The following CBX2 variants were observed in gnomAD, a reference collection of about 807,000 sequenced individuals.
CBX2 encodes the protein chromobox protein homolog 2.
A neutral mutation model predicts 21.0 loss-of-function variants in CBX2; 11 were observed. The observed-to-expected ratio is 0.52, with a 90% CI of 0.33 to 0.87. The LOEUF is 0.87. Among genes scored for constraint, CBX2 ranks in the 40% least tolerant of loss-of-function variants. CBX2 has a pLI of 0.02. For synonymous variants in CBX2, 364 were observed against 304.6 expected, an observed-to-expected ratio of 1.19 and a Z score of -2.03; for missense variants, 746 against 724.3, an observed-to-expected ratio of 1.03 and a Z score of -0.34.
rs781993786 is a variant in CBX2, at chr17:79,783,794, C to T, written c.351C>T (p.Ser117=). 5.7e-6 allele frequency: 9 copies of T among 1,581,580 alleles called. No homozygotes were observed. Among genetic ancestry groups the T allele is most frequent in the Admixed American group, 1.8e-5 (1 of 54,102 alleles). ...SSSSSSSTSS[S]SSSDEEDDSD... ...CCTCCTCTTCCTCCACGTCATCCTC[C>T]TCTTCCTCAGATGAAGAGGATGACA... Residue 117 remains serine, a synonymous_variant, in exon 5 of 5, where the codon TCC becomes TCT. Coordinates refer to ENST00000310942, the MANE Select transcript of CBX2 (RefSeq NM_005189.3).
chr17:79,782,218 T>A, intron 4 of CBX2: 2 of 1,603,024 alleles, frequency 1.2e-6, no homozygotes, highest in Non-Finnish European at 1.7e-6. Context: ...CGGGCCCACC[T>A]GCGGGTGCAC....
chr17:79,781,598 A>T, intron 3 of CBX2, 98 bp from the exon 4 acceptor site: 1 of 1,027,088 alleles, frequency 9.7e-7, no homozygotes, highest in East Asian at 2.4e-5. Flanking sequence ...AAGCTATTAC[A>T]GGCCAACAGG....
At position 79,787,190 on chromosome 17, in the gene CBX2, C is replaced by T. The variant is rs1345724523; in HGVS notation, c.*2148C>T. The T allele has an allele frequency of 6.6e-6, 1 of 152,396 alleles. No individual in the cohort carries two copies. The highest frequency in any genetic ancestry group is 2.4e-5 in the African/African-American group (1 of 41,464). The allele number at this position is 152,396 out of a possible 1,614,324, so 9.4% of individuals were successfully genotyped here. On this transcript the variant is annotated 3_prime_UTR_variant, in exon 5 of 5. Transcript: ENST00000310942. Reference sequence around the variant, plus strand: ...ACAGCAAAGTCTTGACTCCTTCCTGCTGAGCACTGTGCTACCTTCACTGCT... The same window carrying T: ...ACAGCAAAGTCTTGACTCCTTCCTGTTGAGCACTGTGCTACCTTCACTGCT...
At position 79,781,671 on chromosome 17, in the gene CBX2, C is replaced by G. The variant is rs781957109; in HGVS notation, c.183-25C>G. The G allele has an allele frequency of 2.5e-6, 4 of 1,594,368 alleles. No individual in the cohort carries two copies. In the South Asian group the frequency reaches 4.4e-5, roughly 18 times the overall value. ...AAGGGGTACGCACAGGGCTTCTCCCCCATTAACTAGTGGTGTGCCTTCAGG... is the reference window on the plus strand; with the variant it reads ...AAGGGGTACGCACAGGGCTTCTCCCGCATTAACTAGTGGTGTGCCTTCAGG... On this transcript the variant is annotated intron_variant, in intron 3 of 4. Transcript: ENST00000310942.
intron 3 of CBX2, among the ~76,000 whole-genome samples, chr17:79,780,713 A>G (rs1382796885): frequency 7.3e-5 from 11 of 151,642 alleles, no homozygotes; most frequent in African/African-American, 2.7e-4. Context: ...TCTGGGCACT[A>G]GGAGCTGGCG....
At chr17:79,777,971 G>C (rs1384327016), upstream of CBX2, among the ~76,000 whole-genome samples, 2 of 142,354 alleles carry the variant, frequency 1.4e-5, no homozygotes, top group Non-Finnish European at 3.1e-5. Flanking sequence ...CCCCCCGCCG[G>C]AGCGCGAGGC....
In CBX2 at chr17:79,781,699, A is replaced by G. The variant is rs782600574; in HGVS notation, c.186A>G (p.Glu62=). The G allele has an allele frequency of 6.2e-7, 1 of 1,613,250 alleles. No homozygotes were observed. Among genetic ancestry groups the G allele is most frequent in the Non-Finnish European group, 8.5e-7 (1 of 1,179,288 alleles). Residue 62 remains glutamate, a synonymous_variant, in exon 4 of 5, where the codon GAA becomes GAG. Coordinates refer to ENST00000310942, the MANE Select transcript of CBX2 (RefSeq NM_005189.3). ...TTAACTAGTGGTGTGCCTTCAGGGA[A>G]CATGAGAAGGAGGTGCAGAACCGGA... ...PRLLLAFQKK[E]HEKEVQNRKR... is the part of the protein sequence containing the mutation.
rs1328403947 is a variant in CBX2, at chr17:79,781,780, C to T, written c.267C>T (p.Cys89=). The change falls in exon 4 of 5, where the codon TGC becomes TGT. Residue 89 remains cysteine (C), a synonymous_variant. Coordinates refer to ENST00000310942, the MANE Select transcript of CBX2 (RefSeq NM_005189.3). The stretch of plus-strand genomic sequence containing the variant: ...GGAAGCTCACTGCCATGTCCTCCTG[C>T]AGCCGGCGCTCCAAGCTCAAGGTGG... ...RPRKLTAMSS[C]SRRSKLKEPD... 1.1e-5 allele frequency: 17 copies of T among 1,614,020 alleles called. No homozygotes were observed. In the Admixed American group the frequency reaches 2.7e-4, roughly 25 times the overall value.
Position 79,778,326 on chromosome 17 carries a change from G to A in CBX2, c.72+19G>A. 1 of 1,562,464 alleles carries A rather than the reference G, an allele frequency of 6.4e-7. No individual in the cohort carries two copies. Among genetic ancestry groups the A allele is most frequent in the Non-Finnish European group, 8.6e-7 (1 of 1,159,278 alleles). On this transcript the variant is annotated intron_variant, in intron 1 of 4. Coordinates refer to ENST00000310942, the MANE Select transcript of CBX2 (RefSeq NM_005189.3). This position sits in a 1 kb window ranked among gnomAD's most constrained non-coding sequence, Gnocchi z 4.8. ...CCGCAAGGTGCGTGCGGCCCGCCGG[G>A]CCCCCCGCCCGCCGCCCGCTGTCCG... is the stretch of plus-strand genomic sequence containing the variant.
At position 79,778,223 on chromosome 17, in the gene CBX2, G is replaced by A. The variant is rs1555829332; in HGVS notation, c.-13G>A. 2 of 1,366,542 alleles carry A rather than the reference G, an allele frequency of 1.5e-6. No homozygotes were observed. The highest frequency in any genetic ancestry group is 2.7e-5 in the Admixed American group (1 of 36,400). 84.7% of individuals were successfully genotyped at this position (1,366,542 alleles called of 1,614,324 possible). A position where few individuals can be genotyped will look rare whatever the true frequency, so the allele number is the denominator to read the frequency against. Reference sequence around the variant, plus strand: ...GGCGGCGGGCGCCGCGGTCGGGCTGGCTGCCGGGCAGCATGGAGGAGCTGA... The same window carrying A: ...GGCGGCGGGCGCCGCGGTCGGGCTGACTGCCGGGCAGCATGGAGGAGCTGA... On this transcript the variant is annotated 5_prime_UTR_variant, in exon 1 of 5. Transcript: ENST00000310942. This position sits in a 1 kb window ranked among gnomAD's most constrained non-coding sequence, Gnocchi z 4.8.
chr17:79,782,506 G>A, intron 4 of CBX2: 1 of 1,184,782 alleles, frequency 8.4e-7, no homozygotes, highest in Non-Finnish European at 1.1e-6. Context: ...GTGTGGCTTT[G>A]ATTCCCTCCT....
intron 2 of CBX2, 43 bp from the exon 3 acceptor site, chr17:79,779,316 GATC>G (rs1417322662): frequency 1.4e-5 from 22 of 1,593,596 alleles, no homozygotes; most frequent in Non-Finnish European, 1.9e-5. Context: ...GCAAAGCGGT[GATC>G]ATCAGCCTGG....
In CBX2 at chr17:79,784,963, A is replaced by ACGTCACTGCCAACCTCATCACCGT; in HGVS notation, c.1522_1545dup (p.Val508_Val515dup). The ACGTCACTGCCAACCTCATCACCGT allele has an allele frequency of 6.2e-7, 1 of 1,610,188 alleles. No individual in the cohort carries two copies. Among genetic ancestry groups the ACGTCACTGCCAACCTCATCACCGT allele is most frequent in the Non-Finnish European group, 8.5e-7 (1 of 1,179,992 alleles). On this transcript the variant is annotated inframe_insertion, in exon 5 of 5. Coordinates refer to ENST00000310942, the MANE Select transcript of CBX2 (RefSeq NM_005189.3). The surrounding 1 kb of genome is among the most constrained non-coding windows in gnomAD (Gnocchi z 5.9). ...CTCATCGAGCACGTATTTGTCACCG[A>ACGTCACTGCCAACCTCATCACCGT]CGTCACTGCCAACCTCATCACCGTC...
At chr17:79,783,066 T>A (rs557172678) in intron 4 of CBX2, among the ~76,000 whole-genome samples, 1 of 152,306 alleles carries the variant, frequency 6.6e-6, no homozygotes, top group East Asian at 1.9e-4. Context: ...CTGAAAACTG[T>A]GATGCTCTGG....
Position 79,779,267 on chromosome 17 carries a change from G to T in CBX2, c.117-95G>T, listed in dbSNP as rs1906981053. On this transcript the variant is annotated intron_variant, in intron 2 of 4. Coordinates refer to ENST00000310942, the MANE Select transcript of CBX2 (RefSeq NM_005189.3). Reference sequence around the variant, plus strand: ...TACGGTGCCACTGCCATCGGCCCAAGTCGAGGAGCGGTGAGGGCGAGCCCC... The same window carrying T: ...TACGGTGCCACTGCCATCGGCCCAATTCGAGGAGCGGTGAGGGCGAGCCCC... 2.5e-6 allele frequency: 3 copies of T among 1,217,494 alleles called. No homozygotes were observed. In the African/African-American group the frequency reaches 4.5e-5, roughly 18 times the overall value. 75.4% of individuals were successfully genotyped at this position (1,217,494 alleles called of 1,614,324 possible). A position where few individuals can be genotyped will look rare whatever the true frequency, so the allele number is the denominator to read the frequency against.
chr17:79,786,575 C>G lies in CBX2; in HGVS notation c.*1533C>G, dbSNP rs1413904164. ...TCTGAGAGCAGCGTGGGCAGCAAGG[C>G]AGGGCAGCCCAGAGGTGGCAGCGGC... On this transcript the variant is annotated 3_prime_UTR_variant, in exon 5 of 5. Transcript: ENST00000310942. 6.5e-6 allele frequency: 1 copy of G among 152,814 alleles called. No individual in the cohort carries two copies. Among genetic ancestry groups the G allele is most frequent in the Non-Finnish European group, 1.5e-5 (1 of 68,170 alleles). The allele number at this position is 152,814 out of a possible 1,614,324, so 9.5% of individuals were successfully genotyped here. A position where few individuals can be genotyped will look rare whatever the true frequency, so the allele number is the denominator to read the frequency against.
rs1568500469 is a variant in CBX2 at position 79,781,801 on chromosome 17, G to A, written c.288G>A (p.Lys96=). The change falls in exon 4 of 5, where the codon AAG becomes AAA. Residue 96 remains lysine, a splice_region_variant and synonymous_variant. Transcript: ENST00000310942. ...CCTGCAGCCGGCGCTCCAAGCTCAA[G>A]GTGGGTGGCTGCGCTGGGTATGCTG... ...MSSCSRRSKL[K]EPDAPSKSKS... 1 of 1,613,982 alleles carries A rather than the reference G, an allele frequency of 6.2e-7. No homozygotes were observed. The highest frequency in any genetic ancestry group is 8.5e-7 in the Non-Finnish European group (1 of 1,179,986).
In CBX2 at chr17:79,778,211, G is replaced by A; in HGVS notation, c.-25G>A. The A allele has an allele frequency of 7.6e-7, 1 of 1,308,438 alleles. No individual in the cohort carries two copies. The highest frequency in any genetic ancestry group is 9.7e-7 in the Non-Finnish European group (1 of 1,028,626). 81.1% of individuals were successfully genotyped at this position (1,308,438 alleles called of 1,614,324 possible). On this transcript the variant is annotated 5_prime_UTR_variant, in exon 1 of 5. Coordinates refer to ENST00000310942, the MANE Select transcript of CBX2 (RefSeq NM_005189.3). This position sits in a 1 kb window ranked among gnomAD's most constrained non-coding sequence, Gnocchi z 4.8. ...GGGCGGGTGACTGGCGGCGGGCGCC[G>A]CGGTCGGGCTGGCTGCCGGGCAGCA...
At chr17:79,782,687 T>C (rs1462161813) in intron 4 of CBX2, among the ~76,000 whole-genome samples, 1 of 152,076 alleles carries the variant, frequency 6.6e-6, no homozygotes, top group Non-Finnish European at 1.5e-5. Flanking sequence ...TGAGCAGGAT[T>C]GTGGGGGCTG....
Sources: allele counts gnomAD v4.1 joint callset (sites outside exome capture counted in the v4.1 genomes callset), GRCh38; gene constraint gnomAD v4.1.1; non-coding constraint Gnocchi (gnomAD v3.1); transcripts MANE v1.5; gene names NCBI Gene and HGNC (gene_info 2026-07-23, HGNC 2026-07-21).